GLDN: variants seen among roughly 807,000 people sequenced by gnomAD.
The protein encoded by GLDN is gliomedin.
GLDN carries 47 observed loss-of-function variants against 56.5 expected under a neutral mutation model. The ratio of observed to expected loss-of-function variants is 0.83; its 90% CI spans 0.66 to 1.06. GLDN has a LOEUF of 1.06. Ranked by LOEUF, GLDN falls within the 50% of genes least tolerant of loss-of-function variation. GLDN has a pLI of 0.00. For missense variants in GLDN, 782 were observed against 714.3 expected, an observed-to-expected ratio of 1.09 and a Z score of -1.08; for synonymous variants, 332 against 278.8, an observed-to-expected ratio of 1.19 and a Z score of -1.90.
At chr15:51,352,135 G>T (rs1441430517) in intron 1 of GLDN, among the ~76,000 whole-genome samples, 1 of 152,002 alleles carries the variant, frequency 6.6e-6, no homozygotes, top group African/African-American at 2.4e-5. Context: ...CTAACATCTA[G>T]GTGCCGAAAG....
chr15:51,366,133 G>A (rs1029701223), intron 1 of GLDN, among the ~76,000 whole-genome samples: 5 of 150,444 alleles, frequency 3.3e-5, no homozygotes, highest in Admixed American at 6.6e-5. Context: ...GAGATAGAAC[G>A]TCAAGTTGTC....
chr15:51,380,931 C>G (rs530067906), intron 2 of GLDN, among the ~76,000 whole-genome samples: 1 of 152,362 alleles, frequency 6.6e-6, no homozygotes, highest in East Asian at 1.9e-4. Context: ...CCCATGACCA[C>G]CTCCATTCCA....
At chr15:51,344,016 A>G in intron 1 of GLDN, among the ~76,000 whole-genome samples, 1 of 152,224 alleles carries the variant, frequency 6.6e-6, no homozygotes, top group African/African-American at 2.4e-5. Context: ...GCACAGGAAT[A>G]TCTTGGGGAT....
intron 4 of GLDN, among the ~76,000 whole-genome samples, chr15:51,389,726 T>A (rs1162530453): frequency 2.0e-5 from 3 of 151,984 alleles, no homozygotes; most frequent in African/African-American, 7.3e-5. Context: ...AGAATTTGAT[T>A]TTTCGAGACG....
intron 1 of GLDN, among the ~76,000 whole-genome samples, chr15:51,345,896 A>C (rs972318450): frequency 1.3e-5 from 2 of 152,232 alleles, no homozygotes; most frequent in Admixed American, 6.5e-5. Context: ...CAAGGTATTA[A>C]AATATTACTA....
At chr15:51,390,042 C>T (rs1157011956) in intron 4 of GLDN, among the ~76,000 whole-genome samples, 1 of 152,330 alleles carries the variant, frequency 6.6e-6, no homozygotes, top group South Asian at 2.1e-4. Context: ...AGTGGAATAG[C>T]TCAGAGCCAG....
intron 2 of GLDN, among the ~76,000 whole-genome samples, chr15:51,380,183 T>C (rs781646980): frequency 6.6e-6 from 1 of 152,202 alleles, no homozygotes; most frequent in Non-Finnish European, 1.5e-5. Context: ...GCATACTTTA[T>C]TGACCCATTG....
chr15:51,379,465 T>A (rs2037707931), intron 2 of GLDN, among the ~76,000 whole-genome samples: 1 of 152,226 alleles, frequency 6.6e-6, no homozygotes, highest in Non-Finnish European at 1.5e-5. Flanking sequence ...TTATGATACG[T>A]GTCTCTAGTC....
At chr15:51,409,152 C>A (rs1173270667), downstream of GLDN, among the ~76,000 whole-genome samples, 1 of 150,380 alleles carries the variant, frequency 6.6e-6, no homozygotes, top group Non-Finnish European at 1.5e-5. Flanking sequence ...TGGGCTGAGA[C>A]CAAGGACCTG....
chr15:51,380,016 C>T (rs1459054039), intron 2 of GLDN, among the ~76,000 whole-genome samples: 2 of 152,138 alleles, frequency 1.3e-5, no homozygotes, highest in Non-Finnish European at 2.9e-5. Context: ...CCACTCAGCC[C>T]CACCTTTCCT....
intron 4 of GLDN, among the ~76,000 whole-genome samples, chr15:51,391,199 G>C (rs1200526360): frequency 6.6e-6 from 1 of 152,078 alleles, no homozygotes; most frequent in Non-Finnish European, 1.5e-5. Context: ...TCAAGCAAAG[G>C]CCTTGAATAG....
intron 1 of GLDN, among the ~76,000 whole-genome samples, chr15:51,346,654 C>A (rs751330446): frequency 1.6e-4 from 24 of 152,130 alleles, no homozygotes; most frequent in Non-Finnish European, 2.8e-4. Flanking sequence ...AAGCCAGATG[C>A]AAATAATAAA....
intron 1 of GLDN, among the ~76,000 whole-genome samples, chr15:51,342,740 G>C (rs1218988421): frequency 6.6e-6 from 1 of 152,134 alleles, no homozygotes. Flanking sequence ...CCTGCGGATT[G>C]GTCTCCCCAC....
At chr15:51,397,619 G>A (rs1249677244) in intron 6 of GLDN, 21 bp downstream of exon 6, 1 of 1,542,630 alleles carries the variant, frequency 6.5e-7, no homozygotes, top group Non-Finnish European at 8.8e-7. Context: ...CTCCCCTACG[G>A]GGCCCACCTC....
chr15:51,359,284 T>C (rs2037246131), intron 1 of GLDN, among the ~76,000 whole-genome samples: 2 of 152,208 alleles, frequency 1.3e-5, no homozygotes, highest in Non-Finnish European at 2.9e-5. Flanking sequence ...TGTAGACGTC[T>C]TACAGGGATT....
intron 1 of GLDN, among the ~76,000 whole-genome samples, chr15:51,345,828 T>C (rs2036967884): frequency 6.6e-6 from 1 of 152,216 alleles, no homozygotes; most frequent in African/African-American, 2.4e-5. Flanking sequence ...CATACGATTA[T>C]ATACCTGGAA....
intron 6 of GLDN, among the ~76,000 whole-genome samples, chr15:51,397,852 C>A (rs1021882622): frequency 1.3e-5 from 2 of 152,182 alleles, no homozygotes; most frequent in African/African-American, 4.8e-5. Context: ...ACCAGCAGAC[C>A]AGTCCTCCTC....
chr15:51,357,641 G>T (rs2037211277), intron 1 of GLDN, among the ~76,000 whole-genome samples: 1 of 152,092 alleles, frequency 6.6e-6, no homozygotes, highest in Non-Finnish European at 1.5e-5. Context: ...AAAAGCCAAG[G>T]GCTGACTAGA....
intron 1 of GLDN, among the ~76,000 whole-genome samples, chr15:51,345,416 G>A (rs2036960152): frequency 6.6e-6 from 1 of 152,158 alleles, no homozygotes; most frequent in Non-Finnish European, 1.5e-5. Context: ...AATGTCCTTG[G>A]CACCTCTCTA....
Sources: allele counts gnomAD v4.1 joint callset (sites outside exome capture counted in the v4.1 genomes callset), GRCh38; gene constraint gnomAD v4.1.1; transcripts MANE v1.5; gene names NCBI Gene and HGNC (gene_info 2026-07-23, HGNC 2026-07-21).